The following MUC5B variants were observed in gnomAD, a reference collection of about 807,000 sequenced individuals.
MUC5B encodes the protein mucin 5B, oligomeric mucus/gel-forming, also known as mucin-5B.
A neutral mutation model predicts 376.9 loss-of-function variants in MUC5B; 116 were observed. The ratio of observed to expected loss-of-function variants is 0.31; its 90% CI spans 0.26 to 0.36. The LOEUF is 0.36. Among genes scored for constraint, MUC5B ranks in the 10% least tolerant of loss-of-function variants. The pLI is 1.00. For missense variants in MUC5B, 7,165 were observed against 7,769.9 expected, an observed-to-expected ratio of 0.92 and a Z score of 2.93; for synonymous variants, 3,517 against 3,390.9, an observed-to-expected ratio of 1.04 and a Z score of -1.29.
chr11:1,257,502 C>T lies in MUC5B; in HGVS notation c.16270-28C>T, dbSNP rs1444108249. The T allele has an allele frequency of 1.2e-6, 2 of 1,601,248 alleles. No individual in the cohort carries two copies. Among genetic ancestry groups the T allele is most frequent in the Non-Finnish European group, 1.7e-6 (2 of 1,174,426 alleles). ...GGTTGACCTGTGTCTGTCCAGGAGCCCTCAGGGACCCCCTTGATCCATTCC... is the reference window on the plus strand; with the variant it reads ...GGTTGACCTGTGTCTGTCCAGGAGCTCTCAGGGACCCCCTTGATCCATTCC... On this transcript the variant is annotated intron_variant, in intron 40 of 48. Coordinates refer to ENST00000529681, the MANE Select transcript of MUC5B (RefSeq NM_002458.3). This position sits in a 1 kb window ranked among gnomAD's most constrained non-coding sequence, Gnocchi z 8.9.
chr11:1,243,221 C>T lies in MUC5B; in HGVS notation c.6341C>T (p.Thr2114Ile), dbSNP rs1229088916. 2.4e-5 allele frequency: 37 copies of T among 1,573,926 alleles called. No homozygotes were observed. Among genetic ancestry groups the T allele is most frequent in the Non-Finnish European group, 3.0e-5 (35 of 1,159,890 alleles). ...VLTTTTTTVATGSMATPSSST... is the reference protein window; with the variant it reads ...VLTTTTTTVAIGSMATPSSST... ...ACCACCACCACCACAACTGTGGCCACTGGTTCTATGGCAACACCCTCCTCT... is the reference window on the plus strand; with the variant it reads ...ACCACCACCACCACAACTGTGGCCATTGGTTCTATGGCAACACCCTCCTCT... Residue 2114 changes from threonine (T) to isoleucine (I), a missense_variant, in exon 31 of 49, where the codon ACT becomes ATT. Thr to Ile is a moderately conservative substitution (Grantham distance 89). Around this residue, in one of 31 missense-constraint regions of MUC5B, gnomAD observed 897 missense variants for 779.6 expected, o/e 1.15. Transcript: ENST00000529681.
chr11:1,259,323 C>T (rs1010755394), intron 44 of MUC5B, among the ~76,000 whole-genome samples: 3 of 151,658 alleles, frequency 2.0e-5, no homozygotes, highest in African/African-American at 4.8e-5. Context: ...CACCTGCCCC[C>T]AAGTGAGACC....
At position 1,255,567 on chromosome 11, in the gene MUC5B, G is replaced by A. The variant is rs888371075; in HGVS notation, c.16066+9G>A. ...AACCGGTGGCCTGTGCGGTGAGTGG[G>A]GGCGGCCCCGGGCCCCCCAGACCCC... On this transcript the variant is annotated intron_variant, in intron 37 of 48. Transcript: ENST00000529681. 45 of 1,507,602 alleles carry A rather than the reference G, an allele frequency of 3.0e-5. 1 individual carries two copies. In the African/African-American group the frequency reaches 6.1e-4, roughly 20 times the overall value. 93.4% of individuals were successfully genotyped at this position (1,507,602 alleles called of 1,614,324 possible).
At position 1,235,233 on chromosome 11, in the gene MUC5B, C is replaced by G. The variant is rs56239826; in HGVS notation, c.2769+10C>G. ...GTACATCTTGGCCCAGGTACGCCGC[C>G]CCCTCGCCCACTCCTGCAGGCCGGG... On this transcript the variant is annotated intron_variant, in intron 22 of 48. Transcript: ENST00000529681. 5,277 of 1,612,332 alleles carry G rather than the reference C, an allele frequency of 3.3e-3. 134 individuals carry two copies. In the African/African-American group the frequency reaches 0.062, roughly 19 times the overall value.
intron 38 of MUC5B, 41 bp downstream of exon 38, chr11:1,256,266 C>A: frequency 1.4e-6 from 1 of 715,462 alleles, no homozygotes; most frequent in Non-Finnish European, 2.6e-6. Flanking sequence ...GCCACCCAGG[C>A]CTGCCTGACC....
In MUC5B at chr11:1,232,812, G is replaced by A. The variant is rs771717529; in HGVS notation, c.2065+42G>A. 5 of 1,536,470 alleles carry A rather than the reference G, an allele frequency of 3.3e-6. No homozygotes were observed. The East Asian group carries it at 6.9e-5, about 21-fold the overall frequency. Reference sequence around the variant, plus strand: ...GGGGTGGGATGTGTCCACACCGCGTGGGGGTGCGGGGGACCCTGGCCGGCA... The same window carrying A: ...GGGGTGGGATGTGTCCACACCGCGTAGGGGTGCGGGGGACCCTGGCCGGCA... On this transcript the variant is annotated intron_variant, in intron 17 of 48. Transcript: ENST00000529681.
intron 5 of MUC5B, 79 bp from the exon 6 acceptor site, chr11:1,227,229 G>T: frequency 1.9e-6 from 3 of 1,568,156 alleles, no homozygotes; most frequent in South Asian, 2.2e-5. Context: ...CCCTGGGCTT[G>T]GGGTCACGGG....
At chr11:1,260,283 C>T in intron 46 of MUC5B, 68 bp from the exon 47 acceptor site, 1 of 1,540,222 alleles carries the variant, frequency 6.5e-7, no homozygotes, top group Non-Finnish European at 8.9e-7. Flanking sequence ...TGGGCCCCTC[C>T]CCAGGAGGCC....
At chr11:1,231,622 A>G in intron 14 of MUC5B, 62 bp downstream of exon 14, 1 of 1,495,350 alleles carries the variant, frequency 6.7e-7, no homozygotes, top group Non-Finnish European at 8.9e-7. Context: ...GACTAGCGCC[A>G]GGCTGCAGGG....
At chr11:1,228,447 A>G in intron 7 of MUC5B, 117 bp from the exon 8 acceptor site, 3 of 1,007,594 alleles carry the variant, frequency 3.0e-6, no homozygotes, top group Non-Finnish European at 4.2e-6. Context: ...GGCTGGGTAC[A>G]AGGAACCCCG....
At position 1,238,888 on chromosome 11, in the gene MUC5B, C is replaced by T. The variant is rs746757018; in HGVS notation, c.3315C>T (p.Tyr1105=). 42 of 1,560,564 alleles carry T rather than the reference C, an allele frequency of 2.7e-5. No homozygotes were observed. The Middle Eastern group carries it at 8.3e-4, about 31-fold the overall frequency. ...ACRSQVDSTK[Y]YEACVNDACA... The stretch of plus-strand genomic sequence containing the variant: ...ACCCGCAGGTTGACTCCACCAAGTA[C>T]TACGAGGCCTGCGTGAACGACGCGT... Residue 1105 remains tyrosine (Y), a synonymous_variant, in exon 26 of 49, where the codon TAC becomes TAT. Transcript: ENST00000529681.
rs949704936 is a variant in MUC5B at position 1,241,176 on chromosome 11, T to C, written c.4296T>C (p.Cys1432=). 1 of 1,599,444 alleles carries C rather than the reference T, an allele frequency of 6.3e-7. No individual in the cohort carries two copies. The highest frequency in any genetic ancestry group is 1.3e-5 in the African/African-American group (1 of 74,574). Residue 1432 remains cysteine (C), a synonymous_variant, in exon 31 of 49, where the codon TGT becomes TGC. Transcript: ENST00000529681. ...LRVLCCEYVP[C]GPSPAPGTSP... ...TTCTCTGCTGCGAATACGTGCCCTG[T>C]GGCCCCTCCCCGGCCCCAGGCACCA...
Position 1,255,519 on chromosome 11 carries a change from G to C in MUC5B, c.16027G>C (p.Val5343Leu), listed in dbSNP as rs1307122212. ...AYAELCRARG[V>L]CSDWRGATGG... ...CGCAGAGCTCTGCCGCGCCCGGGGA[G>C]TGTGCAGTGACTGGCGAGGTGCAAC... Residue 5343 changes from valine (V) to leucine (L), a missense_variant, in exon 37 of 49, where the codon GTG becomes CTG. Coordinates refer to ENST00000529681, the MANE Select transcript of MUC5B (RefSeq NM_002458.3). 3 of 1,548,014 alleles carry C rather than the reference G, an allele frequency of 1.9e-6. No homozygotes were observed. Among genetic ancestry groups the C allele is most frequent in the African/African-American group, 1.4e-5 (1 of 73,160 alleles).
At position 1,253,739 on chromosome 11, in the gene MUC5B, C is replaced by T. The variant is rs905110322; in HGVS notation, c.15218-353C>T. 6.6e-6 allele frequency among the ~76,000 whole-genome samples: 1 copy of T among 152,178 alleles called. No homozygotes were observed. Among genetic ancestry groups the T allele is most frequent in the Non-Finnish European group, 1.5e-5 (1 of 68,032 alleles). ...ATCTCTGCCTCTGCCTCTCTGTGGCCTCCCCTCTCTGTGTCTGTGTCTCTT... is the reference window on the plus strand; with the variant it reads ...ATCTCTGCCTCTGCCTCTCTGTGGCTTCCCCTCTCTGTGTCTGTGTCTCTT... On this transcript the variant is annotated intron_variant, in intron 33 of 48. Coordinates refer to ENST00000529681, the MANE Select transcript of MUC5B (RefSeq NM_002458.3). This position sits in a 1 kb window ranked among gnomAD's most constrained non-coding sequence, Gnocchi z 4.3.
chr11:1,257,712 T>C lies in MUC5B; in HGVS notation c.16450+2T>C. 6.5e-7 allele frequency: 1 copy of C among 1,546,022 alleles called. No individual in the cohort carries two copies. The highest frequency in any genetic ancestry group is 8.7e-7 in the Non-Finnish European group (1 of 1,152,606). On this transcript the variant is annotated splice_donor_variant, in intron 41 of 48. Transcript: ENST00000529681. LOFTEE classifies it high-confidence loss of function. This position sits in a 1 kb window ranked among gnomAD's most constrained non-coding sequence, Gnocchi z 8.9. The stretch of plus-strand genomic sequence containing the variant: ...CCTGCTGCCCCGAGACGGTGTGCGG[T>C]AAGACGCTGCAGAGCAGAGGTGCCC...
intron 1 of MUC5B, among the ~76,000 whole-genome samples, chr11:1,224,134 G>A (rs887280780): frequency 7.9e-5 from 12 of 152,326 alleles, no homozygotes; most frequent in Non-Finnish European, 1.0e-4. Context: ...TGATTCTTCC[G>A]GGCCATGCAG....
chr11:1,229,545 C>A, intron 9 of MUC5B, 145 bp from the exon 10 acceptor site: 1 of 821,358 alleles, frequency 1.2e-6, no homozygotes, highest in Non-Finnish European at 1.9e-6. Context: ...TGGTGTTCAT[C>A]CAAGCGAGTG....
chr11:1,227,933 G>A (rs555281324), intron 7 of MUC5B, among the ~76,000 whole-genome samples, 152 bp downstream of exon 7: 135 of 152,304 alleles, frequency 8.9e-4, no homozygotes, highest in African/African-American at 3.2e-3. Flanking sequence ...TCAGTTCCAC[G>A]GTACACACTG....
At chr11:1,231,372 C>A in intron 13 of MUC5B, 51 bp from the exon 14 acceptor site, 1 of 1,559,934 alleles carries the variant, frequency 6.4e-7, no homozygotes, top group Non-Finnish European at 8.7e-7. Flanking sequence ...TCCAATCTAG[C>A]CAGATCTGTC....
Sources: gnomAD v4.1 joint callset for allele counts (sites outside exome capture counted in the v4.1 genomes callset) on GRCh38, gnomAD v4.1.1 for gene constraint, gnomAD v4.1.1 regional missense constraint, Gnocchi (gnomAD v3.1) non-coding constraint, MANE v1.5 for transcripts, NCBI Gene and HGNC (gene_info 2026-07-23, HGNC 2026-07-21) for gene names.